Variants in CELF2 observed in about 807,000 individuals in gnomAD.
The protein encoded by CELF2 is CUGBP Elav-like family member 2, also known as CUG triplet repeat RNA-binding protein 2.
A neutral mutation model predicts 62.6 loss-of-function variants in CELF2; 8 were observed. The observed-to-expected ratio is 0.13, with a 90% CI of 0.07 to 0.23. The LOEUF is 0.23. Among genes scored for constraint, CELF2 ranks in the 10% least tolerant of loss-of-function variants. CELF2 has a pLI of 1.00. For synonymous variants in CELF2, 258 were observed against 250.0 expected (o/e 1.03, Z -0.30); for missense variants, 333 against 671.0 (o/e 0.50, Z 5.56).
the CELF2 span, among the ~76,000 whole-genome samples, chr10:10,503,845 T>G: frequency 6.6e-6 from 1 of 151,998 alleles, no homozygotes. Context: ...ACTTGAACAA[T>G]TGTTAGATTT....
Position 10,924,281 on chromosome 10 carries a change from C to CAAAAAAAAAA in CELF2, c.89+4302_89+4311dup, listed in dbSNP as rs11415164. On this transcript the variant is annotated intron_variant, in intron 2 of 13. Transcript: ENST00000636488. ...TGGGCAACACAGCGAGACTCCGTCC[C>CAAAAAAAAAA]AAAAAAAAAAAAAAAAAAAAAAAAA... is the stretch of plus-strand genomic sequence containing the variant. Among the ~76,000 whole-genome samples, 8 of 45,100 alleles carry CAAAAAAAAAA rather than the reference C, an allele frequency of 1.8e-4. 2 individuals carry two copies. The highest frequency in any genetic ancestry group is 5.2e-4 in the African/African-American group (6 of 11,634). 29.6% of individuals were successfully genotyped at this position (45,100 alleles called of 152,430 possible).
chr10:10,878,006 A>T (rs2061216992), intron 1 of CELF2, among the ~76,000 whole-genome samples: 1 of 152,154 alleles, frequency 6.6e-6, no homozygotes, highest in Non-Finnish European at 1.5e-5. Context: ...CAAGTGGGGG[A>T]TGGCTGATAG....
intron 2 of CELF2, among the ~76,000 whole-genome samples, chr10:10,953,451 A>AT (rs1463089574): frequency 6.6e-6 from 1 of 152,200 alleles, no homozygotes; most frequent in Non-Finnish European, 1.5e-5. Flanking sequence ...AACAAGAATA[A>AT]TTGTTCATTT....
At chr10:10,668,223 C>T in the CELF2 span, among the ~76,000 whole-genome samples, 2 of 152,178 alleles carry the variant, frequency 1.3e-5, no homozygotes, top group Non-Finnish European at 2.9e-5. Context: ...CACGTGTAAT[C>T]ATCCGTGAAA....
chr10:11,240,483 A>G (rs1187642637), intron 3 of CELF2, among the ~76,000 whole-genome samples: 4 of 152,240 alleles, frequency 2.6e-5, no homozygotes, highest in African/African-American at 4.8e-5. Flanking sequence ...CCTGTGAAAG[A>G]AACCTCAGAG....
At position 11,333,224 on chromosome 10, in the gene CELF2, T is replaced by TG. The variant is rs1429638334; in HGVS notation, c.*4171_*4172insG. 1 of 150,374 alleles carries TG rather than the reference T, an allele frequency of 6.7e-6. No homozygotes were observed. Among genetic ancestry groups the TG allele is most frequent in the Non-Finnish European group, 1.5e-5 (1 of 67,396 alleles). The allele number at this position is 150,374 out of a possible 1,614,324, so 9.3% of individuals were successfully genotyped here. On this transcript the variant is annotated 3_prime_UTR_variant, in exon 13 of 13. Coordinates refer to ENST00000633077, the MANE Select transcript of CELF2 (RefSeq NM_001326342.2). Reference sequence around the variant, plus strand: ...GAGAGGACATGAGGGGGAAAGTCCTTTTTGCCCTTCTCCAAAAAATAACCT... The same window carrying TG: ...GAGAGGACATGAGGGGGAAAGTCCTTGTTTGCCCTTCTCCAAAAAATAACCT...
chr10:10,716,561 T>C, the CELF2 span, among the ~76,000 whole-genome samples: 1,499 of 152,268 alleles, frequency 9.8e-3, 24 homozygotes, highest in African/African-American at 0.034. Context: ...AAAAAAATCA[T>C]TGAGAATGAA....
chr10:11,143,296 G>C (rs2061682775), intron 1 of CELF2, among the ~76,000 whole-genome samples: 1 of 152,158 alleles, frequency 6.6e-6, no homozygotes, highest in Admixed American at 6.5e-5. Flanking sequence ...ATATCTTGCT[G>C]TTCTTTAATC....
chr10:11,303,990 A>G (rs2093993978), intron 9 of CELF2, among the ~76,000 whole-genome samples: 1 of 152,216 alleles, frequency 6.6e-6, no homozygotes, highest in South Asian at 2.1e-4. Flanking sequence ...AGCTGTGCTC[A>G]CTGTTAGCTT....
At chr10:10,587,603 C>CT in the CELF2 span, among the ~76,000 whole-genome samples, 1 of 151,964 alleles carries the variant, frequency 6.6e-6, no homozygotes, top group Admixed American at 6.6e-5. Flanking sequence ...ACATAAAATC[C>CT]TTTTTTTGTT....
At chr10:10,866,734 A>T (rs929083525) in intron 1 of CELF2, among the ~76,000 whole-genome samples, 1 of 151,898 alleles carries the variant, frequency 6.6e-6, no homozygotes, top group East Asian at 1.9e-4. Flanking sequence ...AAGTGGGCAG[A>T]TCACGGTAAA....
At chr10:10,929,107 C>T (rs567201374) in intron 2 of CELF2, among the ~76,000 whole-genome samples, 2 of 152,164 alleles carry the variant, frequency 1.3e-5, no homozygotes, top group East Asian at 3.9e-4. Context: ...CTCACTGCTC[C>T]GTAGACTTGG....
At chr10:10,686,134 TG>T in the CELF2 span, among the ~76,000 whole-genome samples, 1 of 152,144 alleles carries the variant, frequency 6.6e-6, no homozygotes, top group African/African-American at 2.4e-5. Flanking sequence ...ATTTCGTTGT[TG>T]GCAAATAGAT....
chr10:11,244,866 C>A lies in CELF2; in HGVS notation c.355-4287C>A, dbSNP rs535822510. Reference sequence around the variant, plus strand: ...TTGAGAATGAATGCAGACATAGCTTCATCTGAGACGCCTTCCCCAGCGTGT... The same window carrying A: ...TTGAGAATGAATGCAGACATAGCTTAATCTGAGACGCCTTCCCCAGCGTGT... On this transcript the variant is annotated intron_variant, in intron 3 of 12. Transcript: ENST00000633077. This position sits in a 1 kb window ranked among gnomAD's most constrained non-coding sequence, Gnocchi z 4.2. Among the ~76,000 whole-genome samples, 2 of 152,282 alleles carry A rather than the reference C, an allele frequency of 1.3e-5. No individual in the cohort carries two copies. The highest frequency in any genetic ancestry group is 1.9e-4 in the East Asian group (1 of 5,186).
rs188759937 is a variant in CELF2 at position 11,006,464 on chromosome 10, T to C, written c.53+1024T>C. On this transcript the variant is annotated intron_variant, in intron 1 of 12. Transcript: ENST00000416382. ...CTGTTAACTACTGAAAGAAAACTTA[T>C]TGATTGAGAATGCTTGTAATACCAT... Among the ~76,000 whole-genome samples, 115 of 152,346 alleles carry C rather than the reference T, an allele frequency of 7.5e-4. 1 individual carries two copies. The highest frequency in any genetic ancestry group is 2.6e-3 in the African/African-American group (107 of 41,578).
the CELF2 span, among the ~76,000 whole-genome samples, chr10:10,724,392 A>C: frequency 6.6e-6 from 1 of 152,150 alleles, no homozygotes; most frequent in Non-Finnish European, 1.5e-5. Context: ...ATGGTGGCTC[A>C]TGCCTGTAAT....
chr10:11,174,901 G>A (rs1332968067), intron 2 of CELF2, among the ~76,000 whole-genome samples: 1 of 152,134 alleles, frequency 6.6e-6, no homozygotes, highest in Admixed American at 6.6e-5. Context: ...GGAGGGGGAG[G>A]AGCAGAGGAA....
chr10:11,326,101 T>C (rs1478928922), intron 12 of CELF2, 122 bp downstream of exon 12: 1 of 1,003,818 alleles, frequency 1.0e-6, no homozygotes, highest in African/African-American at 1.6e-5. Context: ...TGGGCTCTGA[T>C]TTTCTGGATC....
the CELF2 span, among the ~76,000 whole-genome samples, chr10:10,693,424 G>A: frequency 6.7e-6 from 1 of 150,012 alleles, no homozygotes; most frequent in Admixed American, 6.7e-5. Flanking sequence ...GTATTTTATT[G>A]AGGATTTTTG....
Sources: gnomAD v4.1 joint callset for allele counts (sites outside exome capture counted in the v4.1 genomes callset) on GRCh38, gnomAD v4.1.1 for gene constraint, Gnocchi (gnomAD v3.1) non-coding constraint, MANE v1.5 for transcripts, NCBI Gene and HGNC (gene_info 2026-07-23, HGNC 2026-07-21) for gene names.